CTNNA2: variants seen among roughly 807,000 people sequenced by gnomAD.
CTNNA2 encodes the protein catenin alpha 2.
A neutral mutation model predicts 101.0 loss-of-function variants in CTNNA2; 42 were observed. That is an observed-to-expected ratio of 0.42 (90% CI 0.32 to 0.54). CTNNA2 has a LOEUF of 0.54. CTNNA2 is among the 20% of genes least tolerant of loss of function. CTNNA2 has a pLI of 0.14. For missense variants in CTNNA2, 871 were observed against 1,223.1 expected (o/e 0.71, Z 4.29); for synonymous variants, 450 against 456.4 (o/e 0.99, Z 0.18).
At chr2:79,516,815 T>C (rs1017296951) in intron 1 of CTNNA2, among the ~76,000 whole-genome samples, 1 of 152,174 alleles carries the variant, frequency 6.6e-6, no homozygotes, top group Non-Finnish European at 1.5e-5. Flanking sequence ...GATTTAATAT[T>C]ATGGTTACTA....
At chr2:79,623,116 T>C (rs528918719) in intron 1 of CTNNA2, among the ~76,000 whole-genome samples, 2 of 152,342 alleles carry the variant, frequency 1.3e-5, no homozygotes, top group African/African-American at 4.8e-5. Flanking sequence ...TCATGAATCA[T>C]AGTCTATCAG....
intron 2 of CTNNA2, among the ~76,000 whole-genome samples, chr2:79,279,097 A>T (rs1451172966): frequency 5.3e-5 from 8 of 152,142 alleles, no homozygotes; most frequent in African/African-American, 4.8e-5. Context: ...TATTTGTTGC[A>T]TTATTATTTT....
At chr2:79,501,546 A>G (rs1671319796) in intron 4 of CTNNA2, among the ~76,000 whole-genome samples, 1 of 152,086 alleles carries the variant, frequency 6.6e-6, no homozygotes, top group Admixed American at 6.6e-5. Context: ...GTGGGGAAAG[A>G]TTTTTTTTCT....
intron 7 of CTNNA2, among the ~76,000 whole-genome samples, chr2:79,915,172 T>G (rs943660800): frequency 7.2e-6 from 1 of 137,934 alleles, no homozygotes; most frequent in Non-Finnish European, 1.5e-5. Context: ...AAGAAATATA[T>G]GTTCACTAGA....
rs530422873 is a variant in CTNNA2 at position 80,513,156 on chromosome 2, C to T, written c.1291-31826C>T. Among the ~76,000 whole-genome samples, 6 of 152,248 alleles carry T rather than the reference C, an allele frequency of 3.9e-5. No homozygotes were observed. In the South Asian group the frequency reaches 1.0e-3, roughly 26 times the overall value. ...ACCAGAAACTAGGTTCTACATGGTC[C>T]ACACCAGAGGGGGGTCCTACACATT... On this transcript the variant is annotated intron_variant, in intron 9 of 18. Transcript: ENST00000402739.
At chr2:80,344,453 C>T (rs1027082582) in intron 7 of CTNNA2, among the ~76,000 whole-genome samples, 1 of 152,116 alleles carries the variant, frequency 6.6e-6, no homozygotes, top group Admixed American at 6.6e-5. Context: ...TATGAAATGT[C>T]AACACATGAA....
chr2:79,416,251 CCTTTT>C (rs1262617337), intron 4 of CTNNA2, among the ~76,000 whole-genome samples: 9 of 127,346 alleles, frequency 7.1e-5, no homozygotes, highest in African/African-American at 2.8e-4. Flanking sequence ...CTTCTTCTTT[CCTTTT>C]CTTTTTTTTT....
At chr2:80,494,439 GT>G (rs1559155603) in intron 9 of CTNNA2, among the ~76,000 whole-genome samples, 1 of 152,088 alleles carries the variant, frequency 6.6e-6, no homozygotes, top group Non-Finnish European at 1.5e-5. Context: ...GACAGGTGAT[GT>G]TTTTAATGAC....
chr2:79,887,970 C>A (rs1684014946), intron 6 of CTNNA2, among the ~76,000 whole-genome samples: 1 of 152,150 alleles, frequency 6.6e-6, no homozygotes, highest in Non-Finnish European at 1.5e-5. Context: ...AAGAAACACT[C>A]CTGTGGGTTC....
intron 2 of CTNNA2, among the ~76,000 whole-genome samples, chr2:79,242,413 C>A (rs533456345): frequency 4.6e-5 from 7 of 152,110 alleles, no homozygotes; most frequent in African/African-American, 1.7e-4. Context: ...AAACCTAATT[C>A]GAATTTTATG....
chr2:79,833,036 A>C (rs149700925), intron 3 of CTNNA2, among the ~76,000 whole-genome samples: 55 of 152,354 alleles, frequency 3.6e-4, no homozygotes, highest in African/African-American at 1.3e-3. Context: ...ACATAGTGAT[A>C]TACGTATAAA....
intron 9 of CTNNA2, among the ~76,000 whole-genome samples, chr2:80,428,257 A>G (rs1681171693): frequency 6.6e-6 from 1 of 152,220 alleles, no homozygotes; most frequent in Non-Finnish European, 1.5e-5. Context: ...TTACTCAGAT[A>G]TTGAGTTCAT....
chr2:79,654,018 G>A (rs1450903478), intron 2 of CTNNA2, among the ~76,000 whole-genome samples: 1 of 151,980 alleles, frequency 6.6e-6, no homozygotes, highest in Non-Finnish European at 1.5e-5. Flanking sequence ...TCTATTTATG[G>A]CAACTTAGAT....
Position 80,647,964 on chromosome 2 carries a change from TATGCCTC to T in CTNNA2, c.*93_*99del. 1 of 1,249,292 alleles carries T rather than the reference TATGCCTC, an allele frequency of 8.0e-7. No individual in the cohort carries two copies. The allele number at this position is 1,249,292 out of a possible 1,614,324, so 77.4% of individuals were successfully genotyped here. A position where few individuals can be genotyped will look rare whatever the true frequency, so the allele number is the denominator to read the frequency against. Reference sequence around the variant, plus strand: ...TTTTGTATGCATACCTGCCAGCTCGTATGCCTCTGGCATGGGGAAATTAAGGGAACAG... The same window carrying T: ...TTTTGTATGCATACCTGCCAGCTCGTTGGCATGGGGAAATTAAGGGAACAG... On this transcript the variant is annotated 3_prime_UTR_variant, in exon 19 of 19. Coordinates refer to ENST00000402739, the MANE Select transcript of CTNNA2 (RefSeq NM_001282597.3).
intron 1 of CTNNA2, among the ~76,000 whole-genome samples, chr2:79,554,285 A>G (rs1674305217): frequency 6.6e-6 from 1 of 152,080 alleles, no homozygotes; most frequent in South Asian, 2.1e-4. Flanking sequence ...CCTTCTACAT[A>G]TTGAGGTAAA....
chr2:80,558,860 T>G (rs1693295318), intron 12 of CTNNA2, among the ~76,000 whole-genome samples: 1 of 152,154 alleles, frequency 6.6e-6, no homozygotes, highest in Admixed American at 6.6e-5. Context: ...TTTGATATTT[T>G]ATTTTTAAAA....
At position 79,874,277 on chromosome 2, in the gene CTNNA2, C is replaced by G. The variant is rs752530255; in HGVS notation, c.787C>G (p.Pro263Ala). The G allele has an allele frequency of 1.2e-6, 2 of 1,614,104 alleles. No homozygotes were observed. Among genetic ancestry groups the G allele is most frequent in the South Asian group, 2.2e-5 (2 of 91,072 alleles). ...GISNAAQATSPTDEAKGHTGI... is the reference protein window; with the variant it reads ...GISNAAQATSATDEAKGHTGI... Reference sequence around the variant, plus strand: ...CTCCAATGCTGCTCAAGCTACCTCGCCCACTGACGAAGCCAAGGGCCACAC... The same window carrying G: ...CTCCAATGCTGCTCAAGCTACCTCGGCCACTGACGAAGCCAAGGGCCACAC... Residue 263 changes from proline to alanine, a missense_variant, in exon 6 of 19, where the codon CCC (proline) becomes GCC (alanine). Around this residue, in one of 5 missense-constraint regions of CTNNA2, gnomAD observed 647 missense variants for 831.5 expected, o/e 0.78. Transcript: ENST00000402739.
chr2:80,419,028 A>G (rs1458103647), intron 8 of CTNNA2, among the ~76,000 whole-genome samples: 3 of 152,192 alleles, frequency 2.0e-5, no homozygotes, highest in Admixed American at 6.5e-5. Context: ...ACAGTGGCCA[A>G]GTTTCACGGT....
intron 9 of CTNNA2, among the ~76,000 whole-genome samples, chr2:80,423,575 T>C (rs757958205): frequency 6.6e-6 from 1 of 152,188 alleles, no homozygotes; most frequent in Non-Finnish European, 1.5e-5. Flanking sequence ...TTTGGATCAA[T>C]TTTGTTTTTG....
Sources: gnomAD v4.1 joint callset for allele counts (sites outside exome capture counted in the v4.1 genomes callset) on GRCh38, gnomAD v4.1.1 for gene constraint, gnomAD v4.1.1 regional missense constraint, MANE v1.5 for transcripts, NCBI Gene and HGNC (gene_info 2026-07-23, HGNC 2026-07-21) for gene names.